Variants in NEK2 observed in about 807,000 individuals in gnomAD.
NEK2 encodes the protein serine/threonine-protein kinase Nek2.
In NEK2, 28 loss-of-function variants were observed where a neutral mutation model predicts 54.1. That is an observed-to-expected ratio of 0.52 (90% confidence interval 0.38 to 0.71). The LOEUF is 0.71. NEK2 is among the 30% of genes least tolerant of loss of function. The pLI is 0.00. For synonymous variants in NEK2, 176 were observed against 193.1 expected (o/e 0.91, Z 0.73); for missense variants, 407 against 531.5 (o/e 0.77, Z 2.30).
downstream of NEK2, chr1:211,660,659 T>C (rs1654993646): frequency 1.5e-6 from 1 of 658,354 alleles, no homozygotes; most frequent in Non-Finnish European, 2.9e-6. Context: ...AAAACTGTCT[T>C]GTACTTGACA....
rs35451932 is a variant in NEK2 at position 211,662,850 on chromosome 1, GA to G, written c.*575del. ...CAGACAGCTCATATTCTGTTAAACAGAAAAAAAAAAAGAATACAAACATCAC... is the reference window on the plus strand; with the variant it reads ...CAGACAGCTCATATTCTGTTAAACAGAAAAAAAAAAGAATACAAACATCAC... On this transcript the variant is annotated 3_prime_UTR_variant, in exon 8 of 8. Coordinates refer to ENST00000366999, the MANE Select transcript of NEK2 (RefSeq NM_002497.4). This position sits in a 1 kb window ranked among gnomAD's most constrained non-coding sequence, Gnocchi z 4.2. 1,715 of 845,046 alleles carry G rather than the reference GA, an allele frequency of 2.0e-3. 1 individual carries two copies. Among genetic ancestry groups the G allele is most frequent in the South Asian group, 4.1e-3 (74 of 18,104 alleles). 52.3% of individuals were successfully genotyped at this position (845,046 alleles called of 1,614,324 possible).
At position 211,675,523 on chromosome 1, in the gene NEK2, C is replaced by A. The variant is rs373544577; in HGVS notation, c.-44G>T. 13 of 1,555,234 alleles carry A rather than the reference C, an allele frequency of 8.4e-6. No individual in the cohort carries two copies. The African/African-American group carries it at 1.6e-4, about 19-fold the overall frequency. On this transcript the variant is annotated 5_prime_UTR_variant, in exon 1 of 8. Transcript: ENST00000366999. ...GTCGCGCTGCCTCACGCAGGTTGCG[C>A]CGCCAAGTGCGGAGCTCCAGGGACC... is the stretch of plus-strand genomic sequence containing the variant.
At chr1:211,670,047 A>G (rs1304802975) in intron 5 of NEK2, among the ~76,000 whole-genome samples, 2 of 152,228 alleles carry the variant, frequency 1.3e-5, no homozygotes, top group East Asian at 1.9e-4. Context: ...GCTACCGACC[A>G]TCTGTTAGCA....
chr1:211,675,061 A>C (rs1655535274), intron 1 of NEK2, among the ~76,000 whole-genome samples: 1 of 152,202 alleles, frequency 6.6e-6, no homozygotes, highest in Non-Finnish European at 1.5e-5. Context: ...CTTGTGCCTG[A>C]GAGGGCCACT....
chr1:211,674,963 A>T (rs1655531577), intron 1 of NEK2, among the ~76,000 whole-genome samples: 1 of 152,206 alleles, frequency 6.6e-6, no homozygotes, highest in Admixed American at 6.5e-5. Context: ...ACATTGGGAA[A>T]TATGAATCCA....
chr1:211,667,819 G>T (rs1655227000), intron 6 of NEK2, among the ~76,000 whole-genome samples: 2 of 152,284 alleles, frequency 1.3e-5, no homozygotes, highest in South Asian at 4.1e-4. Flanking sequence ...GCCGAGGCAG[G>T]TGGATCACCT....
rs56231831 is a variant in NEK2 at position 211,675,606 on chromosome 1, G to T, written c.-127C>A. On this transcript the variant is annotated 5_prime_UTR_variant, in exon 1 of 8. Coordinates refer to ENST00000366999, the MANE Select transcript of NEK2 (RefSeq NM_002497.4). ...CGAGCAGCACTGACCCGCCACCCCTGCCTTGGGCCCCGTTTAACCGTCGCG... is the reference window on the plus strand; with the variant it reads ...CGAGCAGCACTGACCCGCCACCCCTTCCTTGGGCCCCGTTTAACCGTCGCG... 3.5e-3 allele frequency: 2,439 copies of T among 696,864 alleles called. 13 individuals carry two copies. Among genetic ancestry groups the T allele is most frequent in the Non-Finnish European group, 4.1e-3 (1,678 of 409,848 alleles). The allele number at this position is 696,864 out of a possible 1,614,324, so 43.2% of individuals were successfully genotyped here. A position where few individuals can be genotyped will look rare whatever the true frequency, so the allele number is the denominator to read the frequency against.
chr1:211,670,440 G>A (rs768289999), intron 4 of NEK2, 33 bp from the exon 5 acceptor site: 2 of 1,587,484 alleles, frequency 1.3e-6, no homozygotes, highest in Admixed American at 1.9e-5. Flanking sequence ...AGACGACGAA[G>A]ACATTTTCAA....
Sources: allele counts gnomAD v4.1 joint callset (sites outside exome capture counted in the v4.1 genomes callset), GRCh38; gene constraint gnomAD v4.1.1; non-coding constraint Gnocchi (gnomAD v3.1); transcripts MANE v1.5; gene names NCBI Gene and HGNC (gene_info 2026-07-23, HGNC 2026-07-21).